Variants in MAF observed in about 807,000 individuals in gnomAD.
MAF encodes the protein MAF bZIP transcription factor, also known as transcription factor Maf.
Under a neutral mutation model 22.0 loss-of-function variants are expected in MAF, and 10 were observed. The ratio of observed to expected loss-of-function variants is 0.45; its 90% CI spans 0.28 to 0.77. The LOEUF is 0.77. Ranked by LOEUF, MAF falls within the 30% of genes least tolerant of loss-of-function variation. The probability of loss-of-function intolerance (pLI) is 0.12; values close to 1 mark genes in which losing one functional copy is unlikely to be tolerated. For synonymous variants in MAF, 337 were observed against 255.8 expected, an observed-to-expected ratio of 1.32 and a Z score of -3.03; for missense variants, 544 against 548.4, an observed-to-expected ratio of 0.99 and a Z score of 0.08.
chr16:79,281,050 A>G, the MAF span, among the ~76,000 whole-genome samples: 14 of 152,168 alleles, frequency 9.2e-5, no homozygotes, highest in Non-Finnish European at 2.1e-4. Flanking sequence ...GGAGAAAAAG[A>G]GACAGAAGGA....
the MAF span, among the ~76,000 whole-genome samples, chr16:79,373,719 C>A: frequency 6.6e-6 from 1 of 152,054 alleles, no homozygotes; most frequent in East Asian, 1.9e-4. Context: ...TGAACTAGCA[C>A]ATTTAGCCCC....
At chr16:79,552,080 G>A in the MAF span, among the ~76,000 whole-genome samples, 8 of 151,954 alleles carry the variant, frequency 5.3e-5, no homozygotes, top group South Asian at 2.1e-4. Context: ...AAACCTAACC[G>A]CCCCAAGACC....
the MAF span, among the ~76,000 whole-genome samples, chr16:79,529,453 C>G: frequency 6.6e-5 from 10 of 152,266 alleles, no homozygotes; most frequent in South Asian, 8.3e-4. Flanking sequence ...AATCTACATA[C>G]TATTTTAGTA....
At chr16:79,493,706 C>T in the MAF span, among the ~76,000 whole-genome samples, 1 of 152,214 alleles carries the variant, frequency 6.6e-6, no homozygotes, top group African/African-American at 2.4e-5. Context: ...AAGGGTGGAG[C>T]TAATGACAGC....
chr16:79,274,549 C>T, the MAF span, among the ~76,000 whole-genome samples: 1 of 152,142 alleles, frequency 6.6e-6, no homozygotes, highest in African/African-American at 2.4e-5. Context: ...CCTCTAAGTA[C>T]AAAGTCTAGT....
chr16:79,456,648 A>G, the MAF span, among the ~76,000 whole-genome samples: 411 of 152,308 alleles, frequency 2.7e-3, 2 homozygotes, highest in African/African-American at 9.3e-3. Context: ...AAGCTAACAG[A>G]TGACAGAAGT....
the MAF span, among the ~76,000 whole-genome samples, chr16:79,389,599 T>C: frequency 0.028 from 4,294 of 152,192 alleles, 187 homozygotes; most frequent in African/African-American, 0.098. Context: ...TCTGTCTTGG[T>C]TAAATAAATA....
chr16:79,445,332 T>C, the MAF span, among the ~76,000 whole-genome samples: 174 of 152,284 alleles, frequency 1.1e-3, no homozygotes, highest in African/African-American at 3.3e-3. Context: ...CGTGAGCCAC[T>C]GCGCCCGGCC....
chr16:79,399,777 A>G, the MAF span, among the ~76,000 whole-genome samples: 1 of 152,198 alleles, frequency 6.6e-6, no homozygotes, highest in African/African-American at 2.4e-5. Context: ...GGGGGTTACC[A>G]AAGCAGGGTG....
At chr16:79,470,724 T>C in the MAF span, among the ~76,000 whole-genome samples, 1 of 152,172 alleles carries the variant, frequency 6.6e-6, no homozygotes. Flanking sequence ...AGGATTCCAT[T>C]GTCCAACACG....
At chr16:79,239,689 T>C in the MAF span, among the ~76,000 whole-genome samples, 1 of 152,048 alleles carries the variant, frequency 6.6e-6, no homozygotes, top group Admixed American at 6.6e-5. Flanking sequence ...TCCCTCTCAA[T>C]ACCTGGAAAG....
chr16:79,532,424 G>A, the MAF span, among the ~76,000 whole-genome samples: 1 of 152,238 alleles, frequency 6.6e-6, no homozygotes, highest in Admixed American at 6.5e-5. Context: ...CAAATGTGCA[G>A]TGAGTAAGAA....
the MAF span, among the ~76,000 whole-genome samples, chr16:79,325,396 C>CTG: frequency 5.9e-5 from 9 of 152,230 alleles, no homozygotes; most frequent in Admixed American, 5.2e-4. Flanking sequence ...CTTACTACAG[C>CTG]TGTGTGACTC....
At chr16:79,427,045 T>C in the MAF span, among the ~76,000 whole-genome samples, 1 of 152,188 alleles carries the variant, frequency 6.6e-6, no homozygotes, top group African/African-American at 2.4e-5. Flanking sequence ...GAACCATATC[T>C]CCATTGCTGC....
At chr16:79,563,250 G>A in the MAF span, among the ~76,000 whole-genome samples, 108 of 152,286 alleles carry the variant, frequency 7.1e-4, no homozygotes, top group Non-Finnish European at 1.0e-3. Context: ...TTAGTGCATC[G>A]TCTCATGTGA....
the MAF span, among the ~76,000 whole-genome samples, chr16:79,315,561 CG>C: frequency 6.6e-6 from 1 of 152,112 alleles, no homozygotes; most frequent in Non-Finnish European, 1.5e-5. Context: ...ATTTTACAGA[CG>C]GGGAAAATGA....
the MAF span, among the ~76,000 whole-genome samples, chr16:79,395,178 T>C: frequency 5.3e-5 from 8 of 152,120 alleles, no homozygotes; most frequent in African/African-American, 1.4e-4. Flanking sequence ...TGTTTTGCGA[T>C]GAGGTTGAAG....
chr16:79,336,594 A>G, the MAF span, among the ~76,000 whole-genome samples: 1 of 152,234 alleles, frequency 6.6e-6, no homozygotes, highest in Non-Finnish European at 1.5e-5. Context: ...GCACTGTCCT[A>G]TCATTTAACC....
chr16:79,331,444 A>G, the MAF span, among the ~76,000 whole-genome samples: 8 of 152,184 alleles, frequency 5.3e-5, no homozygotes, highest in Non-Finnish European at 7.3e-5. Context: ...CTTGGACTCC[A>G]TCTACTAACT....
Sources: allele counts gnomAD v4.1 joint callset (sites outside exome capture counted in the v4.1 genomes callset), GRCh38; gene constraint gnomAD v4.1.1; transcripts MANE v1.5; gene names NCBI Gene and HGNC (gene_info 2026-07-23, HGNC 2026-07-21).